Variants in SYNE1 observed in about 807,000 individuals in gnomAD.
The protein encoded by SYNE1 is spectrin repeat containing nuclear envelope protein 1.
In SYNE1, 616 loss-of-function variants were observed where a neutral mutation model predicts 1,111.0. The observed-to-expected ratio is 0.55, with a 90% CI of 0.52 to 0.59. The LOEUF (loss-of-function observed/expected upper bound fraction) is 0.59, where lower values mean the gene tolerates loss of function less well. SYNE1 is among the 20% of genes least tolerant of loss of function. The pLI is 0.00. For synonymous variants in SYNE1, 3,855 were observed against 3,825.8 expected, an observed-to-expected ratio of 1.01 and a Z score of -0.28; for missense variants, 10,006 against 10,417.0, an observed-to-expected ratio of 0.96 and a Z score of 1.72.
Position 152,122,335 on chromosome 6 carries a change from G to A in SYNE1, c.*101C>T, listed in dbSNP as rs571719631. On this transcript the variant is annotated 3_prime_UTR_variant, in exon 146 of 146. Coordinates refer to ENST00000367255, the MANE Select transcript of SYNE1 (RefSeq NM_182961.4). ...GAGGGCTAAAGCTGCCACACCGAGG[G>A]CTTTCGCCAAGATCAAGGTCCTCTT... 303 of 1,599,532 alleles carry A rather than the reference G, an allele frequency of 1.9e-4. No homozygotes were observed. The highest frequency in any genetic ancestry group is 7.0e-4 in the Admixed American group (42 of 59,962).
At chr6:152,488,719 C>T (rs1013444267) in intron 11 of SYNE1, among the ~76,000 whole-genome samples, 1 of 122,072 alleles carries the variant, frequency 8.2e-6, no homozygotes, top group African/African-American at 3.7e-5. Flanking sequence ...ACGAAATTAA[C>T]CAACTCCATT....
intron 73 of SYNE1, among the ~76,000 whole-genome samples, chr6:152,344,797 A>G (rs1372858383): frequency 6.6e-6 from 1 of 152,210 alleles, no homozygotes; most frequent in Non-Finnish European, 1.5e-5. Flanking sequence ...AATAATTCAT[A>G]CATTTTCTGA....
intron 138 of SYNE1, among the ~76,000 whole-genome samples, chr6:152,142,036 G>A (rs145772598): frequency 2.6e-5 from 4 of 151,832 alleles, no homozygotes; most frequent in South Asian, 2.1e-4. Flanking sequence ...CCATGACACC[G>A]CACTCAAGCC....
Position 152,152,132 on chromosome 6 carries a change from G to T in SYNE1, c.24139C>A (p.Arg8047=). The T allele has an allele frequency of 6.2e-7, 1 of 1,614,004 alleles. No homozygotes were observed. The highest frequency in any genetic ancestry group is 8.5e-7 in the Non-Finnish European group (1 of 1,180,006). Residue 8047 remains arginine (R), a synonymous_variant, in exon 134 of 146, where the codon CGA becomes AGA. Transcript: ENST00000367255. ...EELKKFEAFQ[R]QVHECLTQLE... ...TGCGTCAGGCACTCGTGGACCTGTC[G>T]CTGGAAAGCCTAAGGCCACAGAGAA... is the stretch of plus-strand genomic sequence containing the variant.
intron 3 of SYNE1, among the ~76,000 whole-genome samples, chr6:152,554,446 G>C (rs780207453): frequency 6.6e-6 from 1 of 152,028 alleles, no homozygotes; most frequent in African/African-American, 2.4e-5. Context: ...TGGATCAAAA[G>C]TCTGAGGACT....
chr6:152,627,232 A>G (rs935280667), intron 3 of SYNE1, among the ~76,000 whole-genome samples: 13 of 152,264 alleles, frequency 8.5e-5, no homozygotes, highest in African/African-American at 3.1e-4. Flanking sequence ...ATATCTTTAG[A>G]TAACTACAGG....
intron 130 of SYNE1, among the ~76,000 whole-genome samples, chr6:152,175,187 T>C (rs971449748): frequency 2.6e-5 from 4 of 151,908 alleles, no homozygotes; most frequent in Admixed American, 6.6e-5. Flanking sequence ...CAAGACTCCA[T>C]CTCAAATATA....
At position 152,407,336 on chromosome 6, in the gene SYNE1, T is replaced by C. The variant is rs1297178333; in HGVS notation, c.6541-140A>G. On this transcript the variant is annotated intron_variant, in intron 44 of 145. Coordinates refer to ENST00000367255, the MANE Select transcript of SYNE1 (RefSeq NM_182961.4). ...TTCCACAAAAATTATTGTAATCTAA[T>C]AAGTGCACCCAACTCACGTAAATGC... 32 of 806,914 alleles carry C rather than the reference T, an allele frequency of 4.0e-5. No individual in the cohort carries two copies. In the South Asian group the frequency reaches 4.7e-4, roughly 12 times the overall value. 50.0% of individuals were successfully genotyped at this position (806,914 alleles called of 1,614,324 possible).
chr6:152,519,265 T>G (rs1417230477), intron 6 of SYNE1, among the ~76,000 whole-genome samples: 1 of 152,218 alleles, frequency 6.6e-6, no homozygotes, highest in African/African-American at 2.4e-5. Context: ...GGTTTCTAAA[T>G]GCCACTCATC....
chr6:152,239,895 T>C (rs2085162710), intron 107 of SYNE1, among the ~76,000 whole-genome samples, 189 bp from the exon 108 acceptor site: 1 of 152,122 alleles, frequency 6.6e-6, no homozygotes, highest in South Asian at 2.1e-4. Flanking sequence ...CCGTTTCTAC[T>C]AAAAATACAA....
intron 91 of SYNE1, among the ~76,000 whole-genome samples, chr6:152,304,537 T>C (rs1157166537): frequency 6.6e-6 from 1 of 152,128 alleles, no homozygotes; most frequent in African/African-American, 2.4e-5. Flanking sequence ...TTGGCCAAGC[T>C]GGTCTCGAAC....
intron 87 of SYNE1, chr6:152,316,459 G>A (rs2095723635): frequency 3.6e-6 from 1 of 277,594 alleles, no homozygotes; most frequent in Non-Finnish European, 6.9e-6. Context: ...GCATGGCGGA[G>A]CTTGGTTTTC....
At chr6:152,269,327 G>C in intron 98 of SYNE1, 41 bp from the exon 99 acceptor site, 1 of 1,613,230 alleles carries the variant, frequency 6.2e-7, no homozygotes, top group Non-Finnish European at 8.5e-7. Context: ...GCTACACACC[G>C]GAAAACCTTA....
At chr6:152,323,396 A>T in intron 82 of SYNE1, 82 bp downstream of exon 82, 1 of 1,582,456 alleles carries the variant, frequency 6.3e-7, no homozygotes, top group Non-Finnish European at 8.5e-7. Context: ...CCGAGATCAC[A>T]CATTTGCACT....
intron 3 of SYNE1, among the ~76,000 whole-genome samples, chr6:152,552,315 T>C (rs534413835): frequency 3.9e-5 from 6 of 152,254 alleles, no homozygotes; most frequent in Admixed American, 3.9e-4. Flanking sequence ...TTCAGGATTT[T>C]ACAATTTTAC....
rs1594310123 is a variant in SYNE1, at chr6:152,510,242, C to G, written c.532G>C (p.Gly178Arg). The change falls in exon 8 of 146, where the codon GGA becomes CGA. Residue 178 changes from glycine to arginine, a missense_variant. Physicochemically the swap from Gly to Arg is moderately radical, Grantham distance 125 (BLOSUM62 -2). Around this residue, in one of 7 missense-constraint regions of SYNE1, gnomAD observed 1,971 missense variants for 2,084.1 expected, o/e 0.95. Transcript: ENST00000367255. ...SKRKVTTKIQ[G>R]NAKKALLKWV... The stretch of plus-strand genomic sequence containing the variant: ...TTTAATAAAGCCTTCTTAGCATTTC[C>G]TTGGATCTTGGTGGTCACCTTCCGT... 2 of 1,613,980 alleles carry G rather than the reference C, an allele frequency of 1.2e-6. No homozygotes were observed. The highest frequency in any genetic ancestry group is 4.5e-5 in the East Asian group (2 of 44,878).
chr6:152,421,283 T>C (rs902041075), intron 39 of SYNE1, among the ~76,000 whole-genome samples: 6 of 152,182 alleles, frequency 3.9e-5, no homozygotes, highest in African/African-American at 1.4e-4. Flanking sequence ...AAACCTTTTG[T>C]TTGGTTAATG....
intron 89 of SYNE1, 66 bp from the exon 90 acceptor site, chr6:152,310,083 A>G: frequency 6.6e-7 from 1 of 1,525,256 alleles, no homozygotes; most frequent in Non-Finnish European, 8.9e-7. Context: ...AGCAAAAGGC[A>G]CTAAATTATA....
intron 137 of SYNE1, chr6:152,145,637 G>A: frequency 7.9e-7 from 1 of 1,266,282 alleles, no homozygotes; most frequent in African/African-American, 1.5e-5. Flanking sequence ...CTTTCCTAGG[G>A]GAAAAAAAGG....
Sources: allele counts gnomAD v4.1 joint callset (sites outside exome capture counted in the v4.1 genomes callset), GRCh38; gene constraint gnomAD v4.1.1; regional missense constraint gnomAD v4.1.1; transcripts MANE v1.5; gene names NCBI Gene and HGNC (gene_info 2026-07-23, HGNC 2026-07-21).